The following MCPH1 variants were observed in gnomAD, a reference collection of about 807,000 sequenced individuals.
MCPH1 encodes microcephalin.
MCPH1 carries 104 observed loss-of-function variants against 84.5 expected under a neutral mutation model. The ratio of observed to expected loss-of-function variants is 1.23; its 90% confidence interval spans 1.05 to 1.45. The LOEUF (loss-of-function observed/expected upper bound fraction) is 1.45, where lower values mean the gene tolerates loss of function less well. Ranked by LOEUF, MCPH1 falls within the 40% of genes most tolerant of loss-of-function variation. The pLI, the probability that MCPH1 is intolerant of heterozygous loss-of-function variation, is 0.00. For missense variants in MCPH1, 1,498 were observed against 1,005.7 expected (o/e 1.49, Z -6.62); for synonymous variants, 514 against 366.8 (o/e 1.40, Z -4.58).
At chr8:6,444,160 C>A (rs1045489085) in intron 7 of MCPH1, among the ~76,000 whole-genome samples, 7 of 152,088 alleles carry the variant, frequency 4.6e-5, no homozygotes, top group Admixed American at 4.6e-4. Flanking sequence ...GTTTGTTACA[C>A]CTCTTCTCTA....
intron 4 of MCPH1, among the ~76,000 whole-genome samples, chr8:6,435,589 G>A (rs1031899384): frequency 6.6e-6 from 1 of 152,076 alleles, no homozygotes; most frequent in African/African-American, 2.4e-5. Flanking sequence ...CCCGTTCCTT[G>A]GTCTAAGTGC....
At chr8:6,639,350 A>G (rs1399099374) in intron 13 of MCPH1, among the ~76,000 whole-genome samples, 5 of 152,224 alleles carry the variant, frequency 3.3e-5, no homozygotes, top group Non-Finnish European at 7.3e-5. Context: ...ATTTCTTTTA[A>G]AAACATATTT....
chr8:6,584,136 C>G (rs1238144890), intron 12 of MCPH1, among the ~76,000 whole-genome samples: 7 of 152,132 alleles, frequency 4.6e-5, no homozygotes, highest in Admixed American at 2.6e-4. Flanking sequence ...AATAGAAACC[C>G]TCAGATTCCT....
intron 13 of MCPH1, chr8:6,625,853 T>A (rs1219935803): frequency 1.0e-6 from 1 of 985,464 alleles, no homozygotes; most frequent in Non-Finnish European, 1.2e-6. Flanking sequence ...AGTCTTGTTT[T>A]GCAGATGTCG....
At chr8:6,569,270 G>C (rs1459412729) in intron 12 of MCPH1, among the ~76,000 whole-genome samples, 1 of 152,174 alleles carries the variant, frequency 6.6e-6, no homozygotes, top group Non-Finnish European at 1.5e-5. Context: ...CTGAAGGCAG[G>C]CTCCCTATAT....
At chr8:6,492,524 T>C (rs1378477371) in intron 11 of MCPH1, among the ~76,000 whole-genome samples, 1 of 151,896 alleles carries the variant, frequency 6.6e-6, no homozygotes, top group Non-Finnish European at 1.5e-5. Flanking sequence ...TTGCATTTGG[T>C]GTTTTAGACA....
chr8:6,615,198 C>G (rs1487133180), intron 12 of MCPH1, among the ~76,000 whole-genome samples: 6 of 152,230 alleles, frequency 3.9e-5, no homozygotes, highest in Non-Finnish European at 2.9e-5. Flanking sequence ...CTGAGGGGCT[C>G]CTGTGTGCTT....
At position 6,505,293 on chromosome 8, in the gene MCPH1, A is replaced by AG. The variant is rs1563305690; in HGVS notation, c.2214+5364_2214+5365insG. On this transcript the variant is annotated intron_variant, in intron 12 of 13. Coordinates refer to ENST00000344683, the MANE Select transcript of MCPH1 (RefSeq NM_024596.5). ...ATATGTATACATATATATGTTATAT[A>AG]CATATATATGTATATAACATATATA... Among the ~76,000 whole-genome samples, 24 of 69,568 alleles carry AG rather than the reference A, an allele frequency of 3.4e-4. 1 individual carries two copies. Among genetic ancestry groups the AG allele is most frequent in the East Asian group, 1.4e-3 (3 of 2,196 alleles). The allele number at this position is 69,568 out of a possible 152,430, so 45.6% of individuals were successfully genotyped here. A position where few individuals can be genotyped will look rare whatever the true frequency, so the allele number is the denominator to read the frequency against.
intron 9 of MCPH1, chr8:6,473,992 C>G: frequency 1.0e-6 from 1 of 978,842 alleles, no homozygotes; most frequent in Non-Finnish European, 1.6e-6. Context: ...CTTGGAAAAT[C>G]TCACACTGAA....
intron 13 of MCPH1, among the ~76,000 whole-genome samples, chr8:6,623,687 C>CAAA (rs1831727513): frequency 5.9e-5 from 1 of 17,020 alleles, no homozygotes; most frequent in Non-Finnish European, 9.8e-5. Flanking sequence ...AAACCAACTT[C>CAAA]CAAAAAAAAA....
At chr8:6,633,611 GA>G (rs1055981072) in intron 13 of MCPH1, among the ~76,000 whole-genome samples, 1 of 151,596 alleles carries the variant, frequency 6.6e-6, no homozygotes, top group Non-Finnish European at 1.5e-5. Context: ...GTCCCCAAGG[GA>G]AAAAAAAGAC....
intron 12 of MCPH1, among the ~76,000 whole-genome samples, chr8:6,617,666 T>C (rs1355747903): frequency 6.6e-6 from 1 of 152,030 alleles, no homozygotes; most frequent in African/African-American, 2.4e-5. Flanking sequence ...TCATTGGTTT[T>C]TGTTGGGGGT....
intron 12 of MCPH1, among the ~76,000 whole-genome samples, chr8:6,520,428 C>G (rs750119504): frequency 9.2e-5 from 14 of 152,140 alleles, no homozygotes; most frequent in Non-Finnish European, 1.6e-4. Flanking sequence ...AGGCCATTAT[C>G]CCACTGAGGA....
At chr8:6,413,131 C>T (rs1324205648) in intron 2 of MCPH1, among the ~76,000 whole-genome samples, 1 of 152,158 alleles carries the variant, frequency 6.6e-6, no homozygotes, top group African/African-American at 2.4e-5. Flanking sequence ...TCTGAGCATG[C>T]CTTTATTATA....
intron 11 of MCPH1, among the ~76,000 whole-genome samples, chr8:6,486,308 C>G (rs1013893233): frequency 6.6e-6 from 1 of 152,026 alleles, no homozygotes; most frequent in Non-Finnish European, 1.5e-5. Flanking sequence ...CACTCTCGCT[C>G]TCTCGCTCTC....
intron 13 of MCPH1, among the ~76,000 whole-genome samples, chr8:6,641,420 T>G (rs1797926949): frequency 6.6e-6 from 1 of 152,152 alleles, no homozygotes; most frequent in Admixed American, 6.5e-5. Flanking sequence ...CATAAGAAAT[T>G]GAAACTTATA....
intron 12 of MCPH1, among the ~76,000 whole-genome samples, chr8:6,558,212 T>A (rs1346397443): frequency 6.6e-6 from 1 of 152,186 alleles, no homozygotes; most frequent in Non-Finnish European, 1.5e-5. Flanking sequence ...AATTTGGCAT[T>A]TTAAATAAAG....
Position 6,568,479 on chromosome 8 carries a change from C to G in MCPH1, c.2215-52975C>G, listed in dbSNP as rs538374117. The stretch of plus-strand genomic sequence containing the variant: ...CAGAATTTGCTTGTGGGCCCCGTGA[C>G]CCCTGCTGTTGTCCAGTTTAATGCT... On this transcript the variant is annotated intron_variant, in intron 12 of 13. Transcript: ENST00000344683. 3.3e-5 allele frequency among the ~76,000 whole-genome samples: 5 copies of G among 152,306 alleles called. No homozygotes were observed. The South Asian group carries it at 1.0e-3, about 32-fold the overall frequency.
chr8:6,605,162 C>T (rs546464524), intron 12 of MCPH1, among the ~76,000 whole-genome samples: 254 of 152,234 alleles, frequency 1.7e-3, no homozygotes, highest in African/African-American at 5.7e-3. Flanking sequence ...CACCCAGCCC[C>T]GCTCTTGTTG....
Sources: gnomAD v4.1 joint callset for allele counts (sites outside exome capture counted in the v4.1 genomes callset) on GRCh38, gnomAD v4.1.1 for gene constraint, MANE v1.5 for transcripts, NCBI Gene and HGNC (gene_info 2026-07-23, HGNC 2026-07-21) for gene names.